The following ATRNL1 variants were observed in gnomAD, a reference collection of about 807,000 sequenced individuals.
ATRNL1 encodes attractin-like protein 1.
A neutral mutation model predicts 182.7 loss-of-function variants in ATRNL1; 95 were observed. The observed-to-expected ratio is 0.52, with a 90% CI of 0.44 to 0.62. The LOEUF (loss-of-function observed/expected upper bound fraction) is 0.62. ATRNL1 is among the 20% of genes least tolerant of loss of function. The pLI is 0.00. For synonymous variants in ATRNL1, 576 were observed against 568.3 expected, an observed-to-expected ratio of 1.01 and a Z score of -0.19; for missense variants, 1,471 against 1,679.5, an observed-to-expected ratio of 0.88 and a Z score of 2.17.
At position 115,340,402 on chromosome 10, in the gene ATRNL1, A is replaced by G. The variant is rs547381254; in HGVS notation, c.3175+5983A>G. ...GGCATCTGACAGCCTTGGCCTCCCA[A>G]AGTGCTGGGATTACAGGGGTGAGCC... On this transcript the variant is annotated intron_variant, in intron 19 of 28. Coordinates refer to ENST00000355044, the MANE Select transcript of ATRNL1 (RefSeq NM_207303.4). Among the ~76,000 whole-genome samples, 6 of 151,338 alleles carry G rather than the reference A, an allele frequency of 4.0e-5. No individual in the cohort carries two copies. In the South Asian group the frequency reaches 1.3e-3, roughly 32 times the overall value.
intron 24 of ATRNL1, among the ~76,000 whole-genome samples, chr10:115,481,992 C>A (rs1848792424): frequency 6.6e-6 from 1 of 150,898 alleles, no homozygotes; most frequent in South Asian, 2.1e-4. Context: ...TTGTGAGCTA[C>A]TGATACCTTT....
chr10:115,446,709 A>G (rs966855572), intron 21 of ATRNL1, among the ~76,000 whole-genome samples: 8 of 152,068 alleles, frequency 5.3e-5, no homozygotes, highest in Admixed American at 2.6e-4. Flanking sequence ...AGCCTGAAGT[A>G]TGAATGGTTT....
intron 28 of ATRNL1, among the ~76,000 whole-genome samples, chr10:115,942,277 C>T (rs563934762): frequency 3.9e-5 from 6 of 152,286 alleles, no homozygotes; most frequent in South Asian, 2.1e-4. Flanking sequence ...ACATCTTAAA[C>T]ATGGAACTTA....
intron 24 of ATRNL1, among the ~76,000 whole-genome samples, chr10:115,503,512 G>T (rs1849951012): frequency 6.6e-6 from 1 of 152,046 alleles, no homozygotes; most frequent in Admixed American, 6.6e-5. Context: ...GTTGAACATT[G>T]TGTTAAAAAC....
intron 26 of ATRNL1, among the ~76,000 whole-genome samples, chr10:115,713,704 TCA>T: frequency 2.1e-5 from 1 of 48,158 alleles, no homozygotes; most frequent in South Asian, 1.1e-3. Flanking sequence ...TATCTATCTA[TCA>T]TCTATCTATC....
At chr10:115,649,596 T>C (rs995119549) in intron 26 of ATRNL1, among the ~76,000 whole-genome samples, 10 of 152,168 alleles carry the variant, frequency 6.6e-5, no homozygotes, top group Non-Finnish European at 1.5e-4. Context: ...AGTGAGATTC[T>C]GAACTGTCCA....
chr10:115,812,119 C>T (rs1234937492), intron 27 of ATRNL1, among the ~76,000 whole-genome samples: 1 of 151,946 alleles, frequency 6.6e-6, no homozygotes, highest in Non-Finnish European at 1.5e-5. Flanking sequence ...TTTGTGTTTG[C>T]ATGAAATTTC....
At chr10:115,544,450 A>G (rs1443332780) in intron 25 of ATRNL1, among the ~76,000 whole-genome samples, 2 of 152,298 alleles carry the variant, frequency 1.3e-5, no homozygotes, top group East Asian at 3.9e-4. Context: ...CTCAACTTCT[A>G]GAGCAGCCTC....
intron 19 of ATRNL1, among the ~76,000 whole-genome samples, chr10:115,375,570 GTT>G (rs1185579929): frequency 6.6e-6 from 1 of 151,802 alleles, no homozygotes; most frequent in African/African-American, 2.4e-5. Context: ...TTTACTTTGT[GTT>G]TTGTTGTATT....
intron 18 of ATRNL1, among the ~76,000 whole-genome samples, chr10:115,318,339 C>T (rs1854410297): frequency 6.6e-6 from 1 of 151,992 alleles, no homozygotes; most frequent in South Asian, 2.1e-4. Flanking sequence ...GGGAAACGGG[C>T]CAGAATTTTC....
intron 1 of ATRNL1, among the ~76,000 whole-genome samples, chr10:115,103,878 C>CT (rs1186497299): frequency 2.0e-5 from 3 of 152,282 alleles, no homozygotes; most frequent in East Asian, 3.9e-4. Flanking sequence ...GGATATCATT[C>CT]TTTTTTATGG....
chr10:115,382,398 C>T (rs1308598876), intron 19 of ATRNL1, among the ~76,000 whole-genome samples: 1 of 151,710 alleles, frequency 6.6e-6, no homozygotes, highest in Admixed American at 6.6e-5. Context: ...ACATCTTGTA[C>T]TTCTTTTATT....
intron 22 of ATRNL1, 141 bp downstream of exon 22, chr10:115,462,176 C>T (rs1847835215): frequency 2.0e-6 from 1 of 500,634 alleles, no homozygotes; most frequent in Non-Finnish European, 3.4e-6. Flanking sequence ...TTTTTTCTCT[C>T]TTCGTGATTC....
intron 28 of ATRNL1, among the ~76,000 whole-genome samples, chr10:115,877,250 G>A (rs1951721326): frequency 6.6e-6 from 1 of 152,198 alleles, no homozygotes; most frequent in East Asian, 1.9e-4. Flanking sequence ...AATGTGAAAA[G>A]AGATATCACT....
At chr10:115,613,606 G>C (rs1373472529) in intron 26 of ATRNL1, among the ~76,000 whole-genome samples, 1 of 152,078 alleles carries the variant, frequency 6.6e-6, no homozygotes, top group East Asian at 1.9e-4. Flanking sequence ...ATTTATGTTA[G>C]TTATTTTTTA....
At chr10:115,225,264 T>C (rs939258821) in intron 9 of ATRNL1, among the ~76,000 whole-genome samples, 1 of 151,720 alleles carries the variant, frequency 6.6e-6, no homozygotes, top group African/African-American at 2.4e-5. Flanking sequence ...AAATTTATCA[T>C]GTATTTATGA....
chr10:115,874,250 C>T (rs2927374), intron 28 of ATRNL1, among the ~76,000 whole-genome samples: 134,520 of 152,086 alleles, frequency 0.88, 61,741 homozygotes, highest in East Asian at 1. Flanking sequence ...GAGCCTTGAG[C>T]TCACTGGACT....
intron 27 of ATRNL1, among the ~76,000 whole-genome samples, chr10:115,837,296 C>T (rs1950697196): frequency 6.6e-6 from 1 of 151,946 alleles, no homozygotes; most frequent in South Asian, 2.1e-4. Flanking sequence ...CTTGTGAGTT[C>T]CATAACTTTG....
chr10:115,331,625 A>C (rs943645872), intron 18 of ATRNL1, among the ~76,000 whole-genome samples: 1 of 151,662 alleles, frequency 6.6e-6, no homozygotes, highest in Non-Finnish European at 1.5e-5. Context: ...CTAATCTTAT[A>C]TCTTCTTTAC....
Sources: allele counts gnomAD v4.1 joint callset (sites outside exome capture counted in the v4.1 genomes callset), GRCh38; gene constraint gnomAD v4.1.1; transcripts MANE v1.5; gene names NCBI Gene and HGNC (gene_info 2026-07-23, HGNC 2026-07-21).